The following APC variants were observed in gnomAD, a reference collection of about 807,000 sequenced individuals.
APC encodes the protein adenomatous polyposis coli protein.
A neutral mutation model predicts 247.0 loss-of-function variants in APC; 72 were observed. The ratio of observed to expected loss-of-function variants is 0.29; its 90% CI spans 0.24 to 0.35. The LOEUF is 0.35. Ranked by LOEUF, APC falls within the 10% of genes least tolerant of loss-of-function variation. The pLI is 1.00. For missense variants in APC, 3,400 were observed against 3,360.7 expected (o/e 1.01, Z -0.29); for synonymous variants, 1,254 against 1,162.5 (o/e 1.08, Z -1.60).
intron 14 of APC, 81 bp from the exon 15 acceptor site, chr5:112,834,870 T>C: frequency 8.0e-7 from 1 of 1,257,160 alleles, no homozygotes; most frequent in Non-Finnish European, 1.2e-6. Context: ...AAATAGCTTT[T>C]ATTCAATATC....
chr5:112,822,768 C>G (rs1319494502), intron 11 of APC, among the ~76,000 whole-genome samples: 1 of 152,188 alleles, frequency 6.6e-6, no homozygotes, highest in Non-Finnish European at 1.5e-5. Context: ...TGTGCCCTTG[C>G]TTTTTGTGCC....
intron 8 of APC, 24 bp from the exon 9 acceptor site, chr5:112,815,471 A>G (rs200399868): frequency 2.6e-6 from 4 of 1,548,586 alleles, no homozygotes; most frequent in South Asian, 1.1e-5. Flanking sequence ...AAATTATACC[A>G]TCTATAATGT....
chr5:112,819,320 G>A lies in APC; in HGVS notation c.1288G>A (p.Gly430Ser), dbSNP rs1762869952. The part of the protein sequence containing the change: ...CWEWQEAHEP[G>S]MDQDKNPMPA... ...GGAGTGGCAGGAAGCTCATGAACCA[G>A]GCATGGACCAGGACAAAAATCCAAG... is the stretch of plus-strand genomic sequence containing the variant. The change falls in exon 10 of 16, where the codon GGC becomes AGC. Residue 430 changes from glycine to serine, a missense_variant. Around this residue, in one of 9 missense-constraint regions of APC, gnomAD observed 199 missense variants for 212.5 expected, o/e 0.94. Transcript: ENST00000257430. 2.5e-6 allele frequency: 4 copies of A among 1,614,016 alleles called. No individual in the cohort carries two copies. The highest frequency in any genetic ancestry group is 3.4e-6 in the Non-Finnish European group (4 of 1,179,968).
intron 9 of APC, among the ~76,000 whole-genome samples, chr5:112,816,954 C>T (rs1169896139): frequency 2.0e-5 from 3 of 151,700 alleles, no homozygotes; most frequent in Non-Finnish European, 4.4e-5. Context: ...CTGCAACCCC[C>T]ACCTCCAGGG....
At chr5:112,737,270 A>T (rs902176671), upstream of APC, among the ~76,000 whole-genome samples, 5 of 152,350 alleles carry the variant, frequency 3.3e-5, no homozygotes, top group African/African-American at 1.2e-4. Flanking sequence ...GAGGTTAAGT[A>T]ACTAAAGTTA....
intron 6 of APC, among the ~76,000 whole-genome samples, chr5:112,783,485 A>G (rs1212767537): frequency 2.6e-5 from 4 of 152,060 alleles, no homozygotes; most frequent in South Asian, 2.1e-4. Context: ...AGGATCACCT[A>G]CAAATCAATT....
chr5:112,805,003 AAAAAT>A (rs1354224451), intron 8 of APC, among the ~76,000 whole-genome samples: 1 of 151,912 alleles, frequency 6.6e-6, no homozygotes, highest in African/African-American at 2.4e-5. Flanking sequence ...TTTTTGTCTA[AAAAAT>A]AAAAAAAAAA....
intron 1 of APC, among the ~76,000 whole-genome samples, chr5:112,708,209 C>G (rs1156501059): frequency 6.6e-6 from 1 of 152,210 alleles, no homozygotes; most frequent in Non-Finnish European, 1.5e-5. Flanking sequence ...AGTCGCTTCC[C>G]CATCTTCCTC....
intron 6 of APC, among the ~76,000 whole-genome samples, chr5:112,786,851 CTT>C (rs547858696): frequency 2.1e-5 from 3 of 145,624 alleles, no homozygotes; most frequent in Non-Finnish European, 4.5e-5. Flanking sequence ...CATATGGTCT[CTT>C]TTGCAACTAC....
At chr5:112,797,926 AAT>A (rs1760385382) in intron 7 of APC, among the ~76,000 whole-genome samples, 1 of 152,226 alleles carries the variant, frequency 6.6e-6, no homozygotes, top group Non-Finnish European at 1.5e-5. Context: ...TAAAGGCAAT[AAT>A]AAGCATTGAC....
intron 1 of APC, among the ~76,000 whole-genome samples, chr5:112,732,435 A>G (rs988202084): frequency 6.6e-6 from 1 of 152,210 alleles, no homozygotes; most frequent in African/African-American, 2.4e-5. Flanking sequence ...CTGCATCACA[A>G]CATTTGTTTT....
rs770894012 is a variant in APC, at chr5:112,766,361, T to C, written c.171T>C (p.Asp57=). 3.7e-6 allele frequency: 6 copies of C among 1,612,072 alleles called. No individual in the cohort carries two copies. In the Admixed American group the frequency reaches 8.3e-5, roughly 22 times the overall value. ...AACAACTACAAGGAAGTATTGAAGATGAAGCTATGGCTTCTTCTGGACAGA... is the reference window on the plus strand; with the variant it reads ...AACAACTACAAGGAAGTATTGAAGACGAAGCTATGGCTTCTTCTGGACAGA... ...VLKQLQGSIE[D]EAMASSGQID... Residue 57 remains aspartate (D), a synonymous_variant, in exon 3 of 16, where the codon GAT becomes GAC. Coordinates refer to ENST00000257430, the MANE Select transcript of APC (RefSeq NM_000038.6).
At chr5:112,775,454 C>G (rs191951853) in intron 4 of APC, among the ~76,000 whole-genome samples, 175 bp from the exon 5 acceptor site, 8 of 152,072 alleles carry the variant, frequency 5.3e-5, no homozygotes, top group African/African-American at 1.7e-4. Flanking sequence ...ATTTTAATGA[C>G]TGTAATATTC....
chr5:112,713,170 C>A (rs201413911), intron 1 of APC, among the ~76,000 whole-genome samples: 1,032 of 106,968 alleles, frequency 9.6e-3, no homozygotes, highest in African/African-American at 0.017. Flanking sequence ...GACTCCATAG[C>A]AAAAAAAAAA....
intron 8 of APC, among the ~76,000 whole-genome samples, chr5:112,808,450 G>GTTTTGT (rs537961699): frequency 2.0e-5 from 3 of 152,042 alleles, no homozygotes; most frequent in Non-Finnish European, 4.4e-5. Flanking sequence ...GTTTTCTGGG[G>GTTTTGT]TTTTGTTTTT....
At chr5:112,821,435 A>G (rs1763117542) in intron 10 of APC, among the ~76,000 whole-genome samples, 1 of 151,690 alleles carries the variant, frequency 6.6e-6, no homozygotes, top group African/African-American at 2.4e-5. Flanking sequence ...TGAGCCCAGG[A>G]ATACAAGGCT....
Position 112,841,215 on chromosome 5 carries a change from T to C in APC, c.5621T>C (p.Leu1874Pro), listed in dbSNP as rs1765995038. 6.2e-7 allele frequency: 1 copy of C among 1,613,818 alleles called. No homozygotes were observed. The highest frequency in any genetic ancestry group is 1.3e-5 in the African/African-American group (1 of 74,894). Residue 1874 changes from leucine (L) to proline (P), a missense_variant, in exon 16 of 16, where the codon CTT (leucine) becomes CCT (proline). Physicochemically the swap from Leu to Pro is moderately conservative, Grantham distance 98. Transcript: ENST00000257430. The surrounding 1 kb of genome is among the most constrained non-coding windows in gnomAD (Gnocchi z 4.6). The stretch of plus-strand genomic sequence containing the variant: ...GATTTTGATGATGATGATGTTGACC[T>C]TTCCAGGGAAAAGGCTGAATTAAGA... ...SLDFDDDDVD[L>P]SREKAELRKA... is the part of the protein sequence containing the mutation.
At chr5:112,744,955 C>G (rs1753473177) in intron 1 of APC, among the ~76,000 whole-genome samples, 1 of 151,916 alleles carries the variant, frequency 6.6e-6, no homozygotes, top group Non-Finnish European at 1.5e-5. Flanking sequence ...TTTCTTAACT[C>G]AAAAATGAGT....
chr5:112,837,011 G>GT (rs1765013356), intron 15 of APC, among the ~76,000 whole-genome samples: 1 of 152,104 alleles, frequency 6.6e-6, no homozygotes, highest in South Asian at 2.1e-4. Context: ...AAGAGCACTC[G>GT]TAAGAAGGAT....
Sources: gnomAD v4.1 joint callset for allele counts (sites outside exome capture counted in the v4.1 genomes callset) on GRCh38, gnomAD v4.1.1 for gene constraint, gnomAD v4.1.1 regional missense constraint, Gnocchi (gnomAD v3.1) non-coding constraint, MANE v1.5 for transcripts, NCBI Gene and HGNC (gene_info 2026-07-23, HGNC 2026-07-21) for gene names.